Variants in PCK2 observed in about 807,000 individuals in gnomAD.
The protein encoded by PCK2 is phosphoenolpyruvate carboxykinase 2, mitochondrial.
A neutral mutation model predicts 65.9 loss-of-function variants in PCK2; 56 were observed. The observed-to-expected ratio is 0.85, with a 90% confidence interval of 0.69 to 1.06. The LOEUF (loss-of-function observed/expected upper bound fraction) is 1.06, where lower values mean the gene tolerates loss of function less well. Among genes scored for constraint, PCK2 ranks in the 50% least tolerant of loss-of-function variants. The probability of loss-of-function intolerance (pLI) is 0.00; values close to 1 mark genes in which losing one functional copy is unlikely to be tolerated. For synonymous variants in PCK2, 305 were observed against 319.6 expected (o/e 0.95, Z 0.49); for missense variants, 843 against 863.1 (o/e 0.98, Z 0.29).
At chr14:24,097,545 T>C (rs1300289585) in intron 2 of PCK2, among the ~76,000 whole-genome samples, 1 of 146,032 alleles carries the variant, frequency 6.8e-6, no homozygotes, top group Admixed American at 6.9e-5. Flanking sequence ...GCCTGGGCAA[T>C]AAGAGCGAAA....
intron 6 of PCK2, 58 bp from the exon 7 acceptor site, chr14:24,099,937 G>A: frequency 1.2e-6 from 2 of 1,613,904 alleles, no homozygotes; most frequent in Non-Finnish European, 1.7e-6. Context: ...ACCTTCTTTG[G>A]TCTTACATCT....
At chr14:24,103,355 G>A in intron 9 of PCK2, 100 bp downstream of exon 9, 2 of 1,172,432 alleles carry the variant, frequency 1.7e-6, no homozygotes, top group Non-Finnish European at 2.5e-6. Context: ...CCTGGAGTCT[G>A]ATATGGCCCC....
chr14:24,098,200 C>G lies in PCK2; in HGVS notation c.276-3C>G, dbSNP rs368443004. 118 of 1,591,080 alleles carry G rather than the reference C, an allele frequency of 7.4e-5. No individual in the cohort carries two copies. Among genetic ancestry groups the G allele is most frequent in the Non-Finnish European group, 9.5e-5 (111 of 1,164,842 alleles). Reference sequence around the variant, plus strand: ...ATCTTCCTGACAATCCCCTCTCCCCCAGCTGGCTGGCCCGCACAGACCCCA... The same window carrying G: ...ATCTTCCTGACAATCCCCTCTCCCCGAGCTGGCTGGCCCGCACAGACCCCA... On this transcript the variant is annotated splice_polypyrimidine_tract_variant and splice_region_variant and intron_variant, in intron 2 of 9. Transcript: ENST00000216780.
Position 24,094,795 on chromosome 14 carries a change from C to A in PCK2, c.29+361C>A, listed in dbSNP as rs1269451910. On this transcript the variant is annotated intron_variant, in intron 1 of 9. Transcript: ENST00000216780. The surrounding 1 kb of genome is among the most constrained non-coding windows in gnomAD (Gnocchi z 4.1). ...CTCCCTCGGACCTCTAACGGGCTCTCAGCCAGCGCCCCAGGGTACTTCGAG... is the reference window on the plus strand; with the variant it reads ...CTCCCTCGGACCTCTAACGGGCTCTAAGCCAGCGCCCCAGGGTACTTCGAG... 6.6e-6 allele frequency: 9 copies of A among 1,362,944 alleles called. No individual in the cohort carries two copies. 84.4% of individuals were successfully genotyped at this position (1,362,944 alleles called of 1,614,324 possible). A position where few individuals can be genotyped will look rare whatever the true frequency, so the allele number is the denominator to read the frequency against.
At position 24,103,853 on chromosome 14, in the gene PCK2, A is replaced by G. The variant is rs1410422381; in HGVS notation, c.1812A>G (p.Glu604=). 6.2e-7 allele frequency: 1 copy of G among 1,614,138 alleles called. No homozygotes were observed. Among genetic ancestry groups the G allele is most frequent in the Admixed American group, 1.7e-5 (1 of 60,020 alleles). The part of the protein sequence containing the change: ...QLFSLPKDFW[E]QEVRDIRSYL... ...TCTCCCTCCCCAAGGACTTCTGGGA[A>G]CAGGAGGTTCGTGACATTCGGAGCT... Residue 604 remains glutamate (E), a synonymous_variant, in exon 10 of 10, where the codon GAA becomes GAG. Transcript: ENST00000216780.
chr14:24,094,503 G>A lies in PCK2; in HGVS notation c.29+69G>A. The A allele has an allele frequency of 6.8e-7, 1 of 1,469,176 alleles. No individual in the cohort carries two copies. The highest frequency in any genetic ancestry group is 2.5e-5 in the East Asian group (1 of 39,400). 91.0% of individuals were successfully genotyped at this position (1,469,176 alleles called of 1,614,324 possible). ...GCTCGCCCCCTCGGGGCTGCCAGTG[G>A]CGCTCTCCTGCTCTCAGCCTCCGCC... On this transcript the variant is annotated intron_variant, in intron 1 of 9. Transcript: ENST00000216780. The surrounding 1 kb of genome is among the most constrained non-coding windows in gnomAD (Gnocchi z 4.1).
At position 24,100,113 on chromosome 14, in the gene PCK2, G is replaced by C. The variant is rs755036108; in HGVS notation, c.1134G>C (p.Val378=). Residue 378 remains valine (V), a synonymous_variant, in exon 7 of 10, where the codon GTG becomes GTC. Coordinates refer to ENST00000216780, the MANE Select transcript of PCK2 (RefSeq NM_004563.4). The part of the protein sequence containing the change: ...TIQSNTIFTN[V]AETSDGGVYW... ...AGAGTAACACTATTTTTACCAATGTGGCTGAGACCAGTGATGGTGGCGTGT... is the reference window on the plus strand; with the variant it reads ...AGAGTAACACTATTTTTACCAATGTCGCTGAGACCAGTGATGGTGGCGTGT... 1 of 1,613,074 alleles carries C rather than the reference G, an allele frequency of 6.2e-7. No homozygotes were observed. The highest frequency in any genetic ancestry group is 8.5e-7 in the Non-Finnish European group (1 of 1,179,430).
intron 1 of PCK2, among the ~76,000 whole-genome samples, chr14:24,095,718 G>C (rs1034323294): frequency 6.6e-6 from 1 of 152,128 alleles, no homozygotes; most frequent in Admixed American, 6.6e-5. Flanking sequence ...TTGCTCTCTC[G>C]GGTTTACTCC....
At position 24,098,746 on chromosome 14, in the gene PCK2, T is replaced by C; in HGVS notation, c.664+68T>C. On this transcript the variant is annotated intron_variant, in intron 4 of 9. Coordinates refer to ENST00000216780, the MANE Select transcript of PCK2 (RefSeq NM_004563.4). ...TGTACTCAGAGGAAATCCCAAATCC[T>C]ACCTCTCCACAGACCCTAAGAACCT... is the stretch of plus-strand genomic sequence containing the variant. 20 of 1,351,380 alleles carry C rather than the reference T, an allele frequency of 1.5e-5. 1 individual carries two copies. In the South Asian group the frequency reaches 2.3e-4, roughly 15 times the overall value. The allele number at this position is 1,351,380 out of a possible 1,614,324, so 83.7% of individuals were successfully genotyped here. A position where few individuals can be genotyped will look rare whatever the true frequency, so the allele number is the denominator to read the frequency against.
chr14:24,098,685 AC>A lies in PCK2; in HGVS notation c.664+9del. 2 of 1,611,880 alleles carry A rather than the reference AC, an allele frequency of 1.2e-6. No individual in the cohort carries two copies. Among genetic ancestry groups the A allele is most frequent in the Non-Finnish European group, 1.7e-6 (2 of 1,178,738 alleles). On this transcript the variant is annotated splice_region_variant and intron_variant, in intron 4 of 9. Transcript: ENST00000216780. ...CAGCCCCTGACAGGACAAGGTAAGC[AC>A]CTGCTCTGCCCCAAGGGGAACACAG...
rs35618680 is a variant in PCK2 at position 24,103,603 on chromosome 14, G to A, written c.1562G>A (p.Arg521His). 150,185 of 1,612,106 alleles carry A rather than the reference G, an allele frequency of 0.093. 7,364 individuals carry two copies. Among genetic ancestry groups the A allele is most frequent in the South Asian group, 0.14 (13,144 of 90,828 alleles). ...GAACACTGGCTGAGCATGGAAGGGC[G>A]CAAGGGGGCCCAGCTGCCCCGTATC... Reference protein sequence around the residue: ...YLEHWLSMEGRKGAQLPRIFH... With the variant: ...YLEHWLSMEGHKGAQLPRIFH... Residue 521 changes from arginine (R) to histidine (H), a missense_variant, in exon 10 of 10, where the codon CGC becomes CAC. Physicochemically the swap from Arg to His is conservative, Grantham distance 29. Transcript: ENST00000216780.
chr14:24,098,541 T>G lies in PCK2; in HGVS notation c.527T>G (p.Val176Gly), dbSNP rs1472249122. 4 of 1,613,978 alleles carry G rather than the reference T, an allele frequency of 2.5e-6. No individual in the cohort carries two copies. The highest frequency in any genetic ancestry group is 3.4e-6 in the Non-Finnish European group (4 of 1,179,988). Residue 176 changes from valine (V) to glycine (G), a missense_variant, in exon 4 of 10, where the codon GTG becomes GGG. Physicochemically the swap from Val to Gly is moderately radical, Grantham distance 109. Transcript: ENST00000216780. ...PVGSPLSRIGVQLTDSAYVVA... is the reference protein window; with the variant it reads ...PVGSPLSRIGGQLTDSAYVVA... ...GGCTCCCCGCTGTCCCGCATCGGGG[T>G]GCAGCTCACTGACTCAGCCTATGTG...
chr14:24,099,115 G>A lies in PCK2; in HGVS notation c.731G>A (p.Arg244Gln), dbSNP rs371707131. 4.5e-5 allele frequency: 73 copies of A among 1,612,126 alleles called. No individual in the cohort carries two copies. Among genetic ancestry groups the A allele is most frequent in the South Asian group, 2.1e-4 (19 of 91,084 alleles). ...KTLIGHVPDQ[R>Q]EIISFGSGYG... ...CTGATTGGCCACGTGCCCGACCAGC[G>A]GGAGATCATCTCCTTCGGCAGCGGC... is the stretch of plus-strand genomic sequence containing the variant. The change falls in exon 5 of 10, where the codon CGG (arginine) becomes CAG (glutamine). Residue 244 changes from arginine (R) to glutamine (Q), a missense_variant. Transcript: ENST00000216780.
chr14:24,094,920 T>G lies in PCK2; in HGVS notation c.29+486T>G. The G allele has an allele frequency of 8.8e-7, 1 of 1,137,434 alleles. No homozygotes were observed. The highest frequency in any genetic ancestry group is 1.2e-6 in the Non-Finnish European group (1 of 853,956). The allele number at this position is 1,137,434 out of a possible 1,614,324, so 70.5% of individuals were successfully genotyped here. A position where few individuals can be genotyped will look rare whatever the true frequency, so the allele number is the denominator to read the frequency against. Reference sequence around the variant, plus strand: ...AGGTTAAATATCCATTCCCGGCCTCTCCCGGACTGGAAGGACTGGAACCTG... The same window carrying G: ...AGGTTAAATATCCATTCCCGGCCTCGCCCGGACTGGAAGGACTGGAACCTG... On this transcript the variant is annotated intron_variant, in intron 1 of 9. Coordinates refer to ENST00000216780, the MANE Select transcript of PCK2 (RefSeq NM_004563.4). The surrounding 1 kb of genome is among the most constrained non-coding windows in gnomAD (Gnocchi z 4.1).
chr14:24,100,223 G>A lies in PCK2; in HGVS notation c.1234+10G>A. ...AAACCCTGGAAACCTGGTATGTGCGGTGGGGAAGGTGTGGCACAGCCTCCA... is the reference window on the plus strand; with the variant it reads ...AAACCCTGGAAACCTGGTATGTGCGATGGGGAAGGTGTGGCACAGCCTCCA... On this transcript the variant is annotated intron_variant, in intron 7 of 9. Coordinates refer to ENST00000216780, the MANE Select transcript of PCK2 (RefSeq NM_004563.4). 6.2e-7 allele frequency: 1 copy of A among 1,613,962 alleles called. No individual in the cohort carries two copies. Among genetic ancestry groups the A allele is most frequent in the Admixed American group, 1.7e-5 (1 of 59,998 alleles).
chr14:24,099,270 G>A (rs767344259), intron 5 of PCK2, 34 bp downstream of exon 5: 3 of 1,570,702 alleles, frequency 1.9e-6, no homozygotes, highest in Non-Finnish European at 2.6e-6. Flanking sequence ...GCAGCTGCCG[G>A]GGACAGGGCA....
In PCK2 at chr14:24,097,102, G is replaced by A. The variant is rs761950710; in HGVS notation, c.240G>A (p.Gln80=). 6.2e-7 allele frequency: 1 copy of A among 1,613,844 alleles called. No individual in the cohort carries two copies. The highest frequency in any genetic ancestry group is 1.3e-5 in the African/African-American group (1 of 74,884). ...NTATLTLLEQ[Q]GLIRKLPKYN... ...CCACACTGACCCTGCTGGAGCAGCA[G>A]GGCCTCATCCGAAAGCTCCCCAAGT... The change falls in exon 2 of 10, where the codon CAG becomes CAA. Residue 80 remains glutamine, a synonymous_variant. Coordinates refer to ENST00000216780, the MANE Select transcript of PCK2 (RefSeq NM_004563.4).
chr14:24,097,299 C>T (rs1417494156), intron 2 of PCK2, among the ~76,000 whole-genome samples, 162 bp downstream of exon 2: 7 of 151,754 alleles, frequency 4.6e-5, no homozygotes, highest in Non-Finnish European at 1.0e-4. Context: ...GCCTATAATC[C>T]CAGCACTTTG....
At chr14:24,095,540 C>T (rs888187536) in intron 1 of PCK2, among the ~76,000 whole-genome samples, 1 of 152,168 alleles carries the variant, frequency 6.6e-6, no homozygotes, top group African/African-American at 2.4e-5. Context: ...TCTGAGCTGC[C>T]AGCAAGCTGC....
Sources: allele counts gnomAD v4.1 joint callset (sites outside exome capture counted in the v4.1 genomes callset), GRCh38; gene constraint gnomAD v4.1.1; non-coding constraint Gnocchi (gnomAD v3.1); transcripts MANE v1.5; gene names NCBI Gene and HGNC (gene_info 2026-07-23, HGNC 2026-07-21).